Variants in SLC1A7 observed in about 807,000 individuals in gnomAD.
SLC1A7 encodes the protein excitatory amino acid transporter 5.
In SLC1A7, 40 loss-of-function variants were observed where a neutral mutation model predicts 47.7. The observed-to-expected ratio is 0.84, with a 90% CI of 0.65 to 1.09. SLC1A7 has a LOEUF of 1.09. SLC1A7 is among the 50% of genes least tolerant of loss of function. The probability of loss-of-function intolerance (pLI) is 0.00; values close to 1 mark genes in which losing one functional copy is unlikely to be tolerated. For missense variants in SLC1A7, 746 were observed against 769.5 expected (o/e 0.97, Z 0.36); for synonymous variants, 323 against 325.6 (o/e 0.99, Z 0.09).
intron 3 of SLC1A7, among the ~76,000 whole-genome samples, chr1:53,111,901 T>C (rs774285310): frequency 2.6e-5 from 4 of 152,050 alleles, no homozygotes; most frequent in Non-Finnish European, 4.4e-5. Flanking sequence ...ACCCTATAGG[T>C]GACAGCCACG....
chr1:53,142,350 C>A lies in SLC1A7; in HGVS notation c.100G>T (p.Gly34Cys). The change falls in exon 1 of 11, where the codon GGC becomes TGC. Residue 34 changes from glycine (G) to cysteine (C), a missense_variant. By Grantham distance (159) the Gly-to-Cys change is radical. Transcript: ENST00000371494. Reference protein sequence around the residue: ...VLSVIVGCLLGFFLRTRRLSP... With the variant: ...VLSVIVGCLLCFFLRTRRLSP... Reference sequence around the variant, plus strand: ...AGGCGCCGGGTCCTCAAGAAGAAGCCGAGGAGGCAGCCCACGATGACAGAC... The same window carrying A: ...AGGCGCCGGGTCCTCAAGAAGAAGCAGAGGAGGCAGCCCACGATGACAGAC... 2 of 1,577,408 alleles carry A rather than the reference C, an allele frequency of 1.3e-6. No homozygotes were observed. The highest frequency in any genetic ancestry group is 1.2e-5 in the South Asian group (1 of 86,112).
intron 5 of SLC1A7, among the ~76,000 whole-genome samples, chr1:53,094,350 C>T (rs1192920692): frequency 1.3e-5 from 2 of 152,202 alleles, no homozygotes; most frequent in Non-Finnish European, 2.9e-5. Context: ...GGAACGGCTC[C>T]GTGGGGTGAG....
At chr1:53,096,046 G>A (rs796159013) in intron 5 of SLC1A7, among the ~76,000 whole-genome samples, 1 of 141,758 alleles carries the variant, frequency 7.1e-6, no homozygotes, top group Non-Finnish European at 1.5e-5. Flanking sequence ...AACTCGCCTC[G>A]GTACACTCAA....
chr1:53,090,256 C>T, intron 8 of SLC1A7: 1 of 539,630 alleles, frequency 1.9e-6, no homozygotes, highest in Non-Finnish European at 3.3e-6. Flanking sequence ...CCACATGGCT[C>T]TGCCTGCCTG....
At chr1:53,089,020 G>T in intron 9 of SLC1A7, 41 bp from the exon 10 acceptor site, 1 of 1,523,644 alleles carries the variant, frequency 6.6e-7, no homozygotes, top group Non-Finnish European at 9.1e-7. Flanking sequence ...GGCACTTGAA[G>T]GGGAGCTGGA....
At chr1:53,120,959 G>A (rs1429923340) in intron 2 of SLC1A7, among the ~76,000 whole-genome samples, 1 of 152,278 alleles carries the variant, frequency 6.6e-6, no homozygotes, top group Non-Finnish European at 1.5e-5. Flanking sequence ...GCATGTGACT[G>A]GGCCTGGGTG....
chr1:53,116,208 G>C (rs952348447), intron 2 of SLC1A7: 1 of 152,236 alleles, frequency 6.6e-6, no homozygotes, highest in African/African-American at 2.4e-5. Flanking sequence ...CTGCCTGCTC[G>C]CTGGCGCAAT....
chr1:53,110,456 TG>T (rs938885511), intron 3 of SLC1A7, among the ~76,000 whole-genome samples: 10 of 151,966 alleles, frequency 6.6e-5, no homozygotes, highest in African/African-American at 2.2e-4. Flanking sequence ...GGCTGGGGCG[TG>T]GGGGGTGCGG....
Position 53,090,606 on chromosome 1 carries a change from G to T in SLC1A7, c.1226+6C>A. On this transcript the variant is annotated splice_donor_region_variant and intron_variant, in intron 8 of 10. Coordinates refer to ENST00000371494, the MANE Select transcript of SLC1A7 (RefSeq NM_006671.6). ...CCATCCACCCAGGTGCAGTGTCAGG[G>T]TGCACCTGATGGTGATGATCTGGCC... is the stretch of plus-strand genomic sequence containing the variant. The T allele has an allele frequency of 6.4e-7, 1 of 1,573,986 alleles. No homozygotes were observed.
intron 2 of SLC1A7, among the ~76,000 whole-genome samples, chr1:53,117,594 G>A (rs978217579): frequency 6.6e-6 from 1 of 152,226 alleles, no homozygotes; most frequent in Non-Finnish European, 1.5e-5. Context: ...CAGATTGTTT[G>A]CATCTCTGCA....
chr1:53,125,854 G>C (rs1644876809), intron 2 of SLC1A7, among the ~76,000 whole-genome samples: 1 of 152,216 alleles, frequency 6.6e-6, no homozygotes, highest in Admixed American at 6.5e-5. Context: ...GTTTACACCA[G>C]AAGCTTCCAC....
chr1:53,134,263 A>G, intron 2 of SLC1A7, 87 bp downstream of exon 2: 3 of 941,564 alleles, frequency 3.2e-6, no homozygotes, highest in Non-Finnish European at 4.9e-6. Flanking sequence ...GTTGCTCTCC[A>G]GCCACCCACA....
chr1:53,111,978 G>A (rs17377135), intron 3 of SLC1A7, among the ~76,000 whole-genome samples: 10,000 of 152,278 alleles, frequency 0.066, 457 homozygotes, highest in Non-Finnish European at 0.096. Flanking sequence ...GGGTAAAAGA[G>A]AAGCTGAAGA....
At chr1:53,089,740 C>G in intron 9 of SLC1A7, 60 bp downstream of exon 9, 1 of 1,584,084 alleles carries the variant, frequency 6.3e-7, no homozygotes, top group South Asian at 1.1e-5. Flanking sequence ...ACCCTGATCC[C>G]TGCTGACCCT....
chr1:53,110,240 G>A (rs186063801), intron 3 of SLC1A7, among the ~76,000 whole-genome samples: 46 of 152,278 alleles, frequency 3.0e-4, no homozygotes, highest in African/African-American at 1.1e-3. Context: ...CTGGAGAGGG[G>A]AACTGGCCTG....
intron 3 of SLC1A7, among the ~76,000 whole-genome samples, chr1:53,107,064 C>A (rs1479038480): frequency 7.0e-6 from 1 of 143,700 alleles, no homozygotes; most frequent in Non-Finnish European, 1.5e-5. Context: ...GCTGAGGCTG[C>A]AGAATTGCTT....
At chr1:53,127,235 T>A (rs1395325079) in intron 2 of SLC1A7, among the ~76,000 whole-genome samples, 1 of 152,150 alleles carries the variant, frequency 6.6e-6, no homozygotes, top group Non-Finnish European at 1.5e-5. Context: ...GAAAATGTAT[T>A]GATCAGGCAC....
chr1:53,104,495 G>A (rs1215436206), intron 4 of SLC1A7, among the ~76,000 whole-genome samples: 2 of 152,200 alleles, frequency 1.3e-5, no homozygotes, highest in East Asian at 1.9e-4. Context: ...GAGTCCTGAA[G>A]GATGGGTAGG....
intron 2 of SLC1A7, among the ~76,000 whole-genome samples, chr1:53,133,529 T>C (rs1370612201): frequency 6.6e-6 from 1 of 151,124 alleles, no homozygotes; most frequent in Non-Finnish European, 1.5e-5. Context: ...CTTTCCTCTC[T>C]GCAGAGGAGT....
Sources: allele counts gnomAD v4.1 joint callset (sites outside exome capture counted in the v4.1 genomes callset), GRCh38; gene constraint gnomAD v4.1.1; transcripts MANE v1.5; gene names NCBI Gene and HGNC (gene_info 2026-07-23, HGNC 2026-07-21).